The following TTI2 variants were observed in gnomAD, a reference collection of about 807,000 sequenced individuals.
TTI2 encodes the protein TELO2 interacting protein 2.
In TTI2, 26 loss-of-function variants were observed where a neutral mutation model predicts 44.9. The ratio of observed to expected loss-of-function variants is 0.58; its 90% confidence interval spans 0.42 to 0.80. TTI2 has a LOEUF of 0.80. Ranked by LOEUF, TTI2 falls within the 30% of genes least tolerant of loss-of-function variation. The pLI, the probability that TTI2 is intolerant of heterozygous loss-of-function variation, is 0.00. For synonymous variants in TTI2, 254 were observed against 250.9 expected (o/e 1.01, Z -0.12); for missense variants, 582 against 611.6 (o/e 0.95, Z 0.51).
chr8:33,502,805 G>A (rs749918925), intron 6 of TTI2, among the ~76,000 whole-genome samples: 3 of 150,870 alleles, frequency 2.0e-5, no homozygotes, highest in Non-Finnish European at 4.4e-5. Context: ...CGGCCTGGGT[G>A]ACAGAGCAAT....
intron 4 of TTI2, among the ~76,000 whole-genome samples, chr8:33,506,802 T>C (rs543682319): frequency 1.2e-4 from 18 of 152,128 alleles, no homozygotes; most frequent in African/African-American, 3.9e-4. Flanking sequence ...AAATGATTCT[T>C]GTGCCTCAGC....
Position 33,500,336 on chromosome 8 carries a change from G to A in TTI2, c.1414C>T (p.Arg472Trp), listed in dbSNP as rs190298167. Residue 472 changes from arginine to tryptophan, a missense_variant, in exon 7 of 8, where the codon CGG becomes TGG. Transcript: ENST00000431156. ...GTTTCAGTCTGCCTTACCTTTACCC[G>A]TCCTTGAGAACAGCGGTCCAGGAGA... The part of the protein sequence containing the change: ...LILLDRCSQG[R>W]VKGLLAKIPQ... The A allele has an allele frequency of 1.1e-4, 174 of 1,614,032 alleles. 2 individuals are homozygous for A. The East Asian group carries it at 3.5e-3, about 32-fold the overall frequency.
At chr8:33,510,051 C>A in intron 2 of TTI2, 119 bp from the exon 3 acceptor site, 1 of 774,908 alleles carries the variant, frequency 1.3e-6, no homozygotes, top group South Asian at 1.6e-5. Context: ...AAAAATACAT[C>A]GCACATAAGA....
intron 7 of TTI2, 34 bp from the exon 8 acceptor site, chr8:33,499,311 T>A (rs2732279): frequency 0.025 from 36,913 of 1,504,306 alleles, 697 homozygotes; most frequent in East Asian, 0.062. Flanking sequence ...TTTGATATTT[T>A]TTTTTTTTTA....
At position 33,499,082 on chromosome 8, in the gene TTI2, G is replaced by T; in HGVS notation, c.*91C>A. The T allele has an allele frequency of 2.8e-6, 3 of 1,089,328 alleles. No individual in the cohort carries two copies. The highest frequency in any genetic ancestry group is 4.2e-6 in the Non-Finnish European group (3 of 719,964). The allele number at this position is 1,089,328 out of a possible 1,614,324, so 67.5% of individuals were successfully genotyped here. A position where few individuals can be genotyped will look rare whatever the true frequency, so the allele number is the denominator to read the frequency against. On this transcript the variant is annotated 3_prime_UTR_variant, in exon 8 of 8. Transcript: ENST00000431156. Reference sequence around the variant, plus strand: ...AAGCAGCTTTCACTTACAAAGTTTCGTGTAAAAATATCTTTTTTTCTTAAA... The same window carrying T: ...AAGCAGCTTTCACTTACAAAGTTTCTTGTAAAAATATCTTTTTTTCTTAAA...
chr8:33,509,978 G>GAAA, intron 2 of TTI2, 46 bp from the exon 3 acceptor site: 73 of 264,998 alleles, frequency 2.8e-4, no homozygotes, highest in Admixed American at 8.1e-4. Context: ...GTGATAAGTA[G>GAAA]CAAAAAAAAA....
At chr8:33,499,877 A>T (rs1275424976) in intron 7 of TTI2, 1 of 157,402 alleles carries the variant, frequency 6.4e-6, no homozygotes, top group African/African-American at 2.4e-5. Context: ...ATTTCCATGT[A>T]GATAAATTAA....
At chr8:33,511,338 C>T (rs749400838) in intron 2 of TTI2, among the ~76,000 whole-genome samples, 11 of 151,932 alleles carry the variant, frequency 7.2e-5, no homozygotes, top group Non-Finnish European at 1.6e-4. Context: ...CCACCTCGCC[C>T]GGCCACATTT....
intron 3 of TTI2, among the ~76,000 whole-genome samples, chr8:33,508,471 C>T (rs1346789412): frequency 6.6e-6 from 1 of 151,916 alleles, no homozygotes; most frequent in African/African-American, 2.4e-5. Flanking sequence ...AGTAGCTGAG[C>T]ATGGTGGTGC....
chr8:33,512,570 G>C lies in TTI2; in HGVS notation c.44C>G (p.Ser15Cys), dbSNP rs888690733. The part of the protein sequence containing the change: ...SALEAPSQED[S>C]NLSEELSHSA... ...GTGAGACAACTCCTCGGACAAATTA[G>C]AGTCTTCCTGCGATGGGGCTTCCAG... Residue 15 changes from serine to cysteine, a missense_variant, in exon 2 of 8, where the codon TCT (serine) becomes TGT (cysteine). Transcript: ENST00000431156. 1 of 1,613,990 alleles carries C rather than the reference G, an allele frequency of 6.2e-7. No individual in the cohort carries two copies. The highest frequency in any genetic ancestry group is 8.5e-7 in the Non-Finnish European group (1 of 1,180,020).
In TTI2 at chr8:33,500,372, CTG is replaced by C; in HGVS notation, c.1376_1377del (p.Thr459ArgfsTer26). The C allele has an allele frequency of 5.6e-6, 9 of 1,614,202 alleles. No homozygotes were observed. The highest frequency in any genetic ancestry group is 7.6e-6 in the Non-Finnish European group (9 of 1,180,034). On this transcript the variant is annotated frameshift_variant, in exon 7 of 8. Transcript: ENST00000431156. LOFTEE classifies it low-confidence loss of function (END_TRUNC). ...CAGCGGTCCAGGAGAATCAGGCAGTCTGTGGCCTCCTGTAGCAGGGCGCTCTT... is the reference window on the plus strand; with the variant it reads ...CAGCGGTCCAGGAGAATCAGGCAGTCTGGCCTCCTGTAGCAGGGCGCTCTT... ...SVKSALLQEATDCLILLDRCS... is the reference protein window; with the variant it reads ...SVKSALLQEAXDCLILLDRCS...
At chr8:33,507,821 CA>C (rs560525552) in intron 3 of TTI2, among the ~76,000 whole-genome samples, 2,285 of 142,254 alleles carry the variant, frequency 0.016, 70 homozygotes, top group African/African-American at 0.055. Flanking sequence ...CTGTCTCTAC[CA>C]AAAAAAAAAA....
chr8:33,508,087 TAAAAAAAAAAAAAAAAAA>T (rs58891946), intron 3 of TTI2, among the ~76,000 whole-genome samples: 4 of 19,514 alleles, frequency 2.0e-4, no homozygotes, highest in East Asian at 1.8e-3. Context: ...CTAGCGGTAG[TAAAAAAAAAAAAAAAAAA>T]AAAAAAAAAA....
chr8:33,500,664 C>G, intron 6 of TTI2, 174 bp from the exon 7 acceptor site: 1 of 666,680 alleles, frequency 1.5e-6, no homozygotes, highest in Non-Finnish European at 2.5e-6. Context: ...GATTTCTTAC[C>G]CTCAAGTCTC....
At chr8:33,507,902 T>C (rs1455145441) in intron 3 of TTI2, among the ~76,000 whole-genome samples, 1 of 147,920 alleles carries the variant, frequency 6.8e-6, no homozygotes, top group Non-Finnish European at 1.5e-5. Flanking sequence ...GGTGGGAGGA[T>C]CACTTGAGCC....
At position 33,509,674 on chromosome 8, in the gene TTI2, T is replaced by C. The variant is rs1398950591; in HGVS notation, c.834+72A>G. ...GTAAAGTTGAATGACTTAGCATTAC[T>C]AGAAATGAAGAACAGCCAGGAATGA... On this transcript the variant is annotated intron_variant, in intron 3 of 7. Coordinates refer to ENST00000431156, the MANE Select transcript of TTI2 (RefSeq NM_001102401.4). 2.1e-6 allele frequency: 3 copies of C among 1,448,776 alleles called. No individual in the cohort carries two copies. The highest frequency in any genetic ancestry group is 4.5e-5 in the East Asian group (2 of 44,120). 89.7% of individuals were successfully genotyped at this position (1,448,776 alleles called of 1,614,324 possible).
intron 1 of TTI2, 121 bp downstream of exon 1, chr8:33,512,961 C>G (rs1156895251): frequency 5.4e-6 from 1 of 184,100 alleles, no homozygotes; most frequent in African/African-American, 2.4e-5. Context: ...GAGTCTTACA[C>G]TTTTAACAGT....
rs1314864200 is a variant in TTI2, at chr8:33,503,565, T to TCC, written c.1121_1122dup (p.Ile375GlyfsTer3). ...CTCTTTAAGTGCCGGACAGTTAGGA[T>TCC]CCCCAACCTAAAGATGAAAGAGAAA... On this transcript the variant is annotated frameshift_variant, in exon 6 of 8. Transcript: ENST00000431156. LOFTEE classifies it high-confidence loss of function. 2.4e-5 allele frequency: 39 copies of TCC among 1,613,800 alleles called. No homozygotes were observed. The highest frequency in any genetic ancestry group is 3.3e-5 in the Non-Finnish European group (39 of 1,180,036).
Position 33,499,097 on chromosome 8 carries a change from T to C in TTI2, c.*76A>G. 7.9e-7 allele frequency: 1 copy of C among 1,263,780 alleles called. No individual in the cohort carries two copies. The highest frequency in any genetic ancestry group is 1.2e-5 in the South Asian group (1 of 81,278). 78.3% of individuals were successfully genotyped at this position (1,263,780 alleles called of 1,614,324 possible). On this transcript the variant is annotated 3_prime_UTR_variant, in exon 8 of 8. Transcript: ENST00000431156. ...ACAAAGTTTCGTGTAAAAATATCTTTTTTTCTTAAATAACTCCATTCATAC... is the reference window on the plus strand; with the variant it reads ...ACAAAGTTTCGTGTAAAAATATCTTCTTTTCTTAAATAACTCCATTCATAC...
Sources: allele counts gnomAD v4.1 joint callset (sites outside exome capture counted in the v4.1 genomes callset), GRCh38; gene constraint gnomAD v4.1.1; transcripts MANE v1.5; gene names NCBI Gene and HGNC (gene_info 2026-07-23, HGNC 2026-07-21).